The following EPG5 variants were observed in gnomAD, a reference collection of about 807,000 sequenced individuals.
EPG5 encodes ectopic P granules protein 5 homolog.
In EPG5, 159 loss-of-function variants were observed where a neutral mutation model predicts 302.7. The ratio of observed to expected loss-of-function variants is 0.53; its 90% CI spans 0.46 to 0.60. EPG5 has a LOEUF of 0.60. Among genes scored for constraint, EPG5 ranks in the 20% least tolerant of loss-of-function variants. The pLI, the probability that EPG5 is intolerant of heterozygous loss-of-function variation, is 0.00. For missense variants in EPG5, 2,896 were observed against 3,092.4 expected (o/e 0.94, Z 1.51); for synonymous variants, 1,158 against 1,136.8 (o/e 1.02, Z -0.37).
intron 39 of EPG5, 87 bp downstream of exon 39, chr18:45,865,528 C>T (rs1279124054): frequency 2.8e-6 from 4 of 1,421,526 alleles, no homozygotes; most frequent in African/African-American, 1.4e-5. Context: ...TGCCAGTGTC[C>T]TGAACATCCT....
chr18:45,887,900 C>A lies in EPG5; in HGVS notation c.4960G>T (p.Val1654Leu). 6.4e-7 allele frequency: 1 copy of A among 1,562,082 alleles called. No individual in the cohort carries two copies. The highest frequency in any genetic ancestry group is 8.8e-7 in the Non-Finnish European group (1 of 1,142,802). The part of the protein sequence containing the change: ...VHAENLITAL[V>L]NAYKLQPTPG... ...GTAGGCTGCAACTTGTAGGCATTCACTAAGGCCCTGTGGGAAAATGTGGGT... is the reference window on the plus strand; with the variant it reads ...GTAGGCTGCAACTTGTAGGCATTCAATAAGGCCCTGTGGGAAAATGTGGGT... Residue 1654 changes from valine (V) to leucine (L), a missense_variant, in exon 29 of 44, where the codon GTG becomes TTG. Val to Leu is a conservative substitution (Grantham distance 32). Coordinates refer to ENST00000282041, the MANE Select transcript of EPG5 (RefSeq NM_020964.3).
At chr18:45,951,808 C>G (rs2050915217) in intron 3 of EPG5, among the ~76,000 whole-genome samples, 1 of 152,054 alleles carries the variant, frequency 6.6e-6, no homozygotes. Flanking sequence ...GACCTACCCC[C>G]AGTTAATTGA....
chr18:45,850,965 C>T lies in EPG5; in HGVS notation c.*1502G>A, dbSNP rs888535017. The T allele has an allele frequency of 6.6e-6, 1 of 152,378 alleles. No homozygotes were observed. The highest frequency in any genetic ancestry group is 1.5e-5 in the Non-Finnish European group (1 of 68,022). 9.4% of individuals were successfully genotyped at this position (152,378 alleles called of 1,614,324 possible). ...TCCCTCTGAGACGGACATTTTGTGG[C>T]CTGTAAAACTCAAGAGACTAAACAG... On this transcript the variant is annotated 3_prime_UTR_variant, in exon 44 of 44. Coordinates refer to ENST00000282041, the MANE Select transcript of EPG5 (RefSeq NM_020964.3).
chr18:45,867,800 CTGG>C, intron 36 of EPG5, 52 bp from the exon 37 acceptor site: 1 of 1,454,070 alleles, frequency 6.9e-7, no homozygotes, highest in South Asian at 1.3e-5. Flanking sequence ...ATCTATGTAT[CTGG>C]AAAATGTATG....
chr18:45,911,963 T>A (rs969935749), intron 22 of EPG5, among the ~76,000 whole-genome samples: 4 of 152,106 alleles, frequency 2.6e-5, no homozygotes, highest in Non-Finnish European at 4.4e-5. Context: ...ACAAGCCCCA[T>A]GACGGTCACA....
the EPG5 span, among the ~76,000 whole-genome samples, chr18:45,812,917 G>A: frequency 3.3e-5 from 5 of 152,266 alleles, no homozygotes. Context: ...AAATTGACAA[G>A]TGGGATCTGA....
chr18:45,816,364 C>T, the EPG5 span, among the ~76,000 whole-genome samples: 1 of 151,990 alleles, frequency 6.6e-6, no homozygotes, highest in South Asian at 2.1e-4. Context: ...GAGAGAAAAT[C>T]TTCACAATCT....
rs1157830670 is a variant in EPG5 at position 45,877,257 on chromosome 18, T to A, written c.5943-915A>T. Reference sequence around the variant, plus strand: ...ACTAAAAATACAAAAAAAATAAAAATTAAAATTGAAAAATAGCTGGACGTG... The same window carrying A: ...ACTAAAAATACAAAAAAAATAAAAAATAAAATTGAAAAATAGCTGGACGTG... On this transcript the variant is annotated intron_variant, in intron 34 of 43. Transcript: ENST00000282041. 2.0e-5 allele frequency among the ~76,000 whole-genome samples: 3 copies of A among 151,408 alleles called. No homozygotes were observed. In the East Asian group the frequency reaches 5.9e-4, roughly 30 times the overall value.
intron 9 of EPG5, among the ~76,000 whole-genome samples, chr18:45,942,109 C>T (rs139162737): frequency 2.8e-3 from 427 of 152,192 alleles, no homozygotes; most frequent in African/African-American, 9.7e-3. Flanking sequence ...CCAATAGTCC[C>T]AGCTATTCGG....
At chr18:45,828,262 G>A in the EPG5 span, among the ~76,000 whole-genome samples, 2 of 152,152 alleles carry the variant, frequency 1.3e-5, no homozygotes, top group African/African-American at 4.8e-5. Context: ...GAGAAAAGTG[G>A]GAAGCATTTG....
At chr18:45,898,893 G>A (rs976058022) in intron 27 of EPG5, among the ~76,000 whole-genome samples, 4 of 152,206 alleles carry the variant, frequency 2.6e-5, no homozygotes, top group African/African-American at 7.2e-5. Context: ...TTGGGAGGCC[G>A]AGGCGGGTGG....
chr18:45,842,236 G>C, the EPG5 span: 1 of 1,599,620 alleles, frequency 6.3e-7, no homozygotes, highest in Non-Finnish European at 8.6e-7. Flanking sequence ...AAGAACAAAG[G>C]CCAGTGCGAG....
chr18:45,908,651 T>A (rs888927569), intron 23 of EPG5, among the ~76,000 whole-genome samples: 1 of 152,050 alleles, frequency 6.6e-6, no homozygotes, highest in Non-Finnish European at 1.5e-5. Flanking sequence ...AAATCAGACT[T>A]AAAAAAATAA....
At chr18:45,842,257 C>T in the EPG5 span, 1 of 1,544,868 alleles carries the variant, frequency 6.5e-7, no homozygotes. Context: ...GCTTGGCTGG[C>T]ACAGCCAGTC....
intron 30 of EPG5, among the ~76,000 whole-genome samples, 176 bp from the exon 31 acceptor site, chr18:45,882,663 AAAAT>A (rs1274066425): frequency 2.0e-5 from 3 of 152,132 alleles, no homozygotes; most frequent in Non-Finnish European, 4.4e-5. Flanking sequence ...AGCTAATTGT[AAAAT>A]AAATAAATAA....
At chr18:45,884,363 C>T (rs1212829515) in intron 30 of EPG5, among the ~76,000 whole-genome samples, 1 of 152,164 alleles carries the variant, frequency 6.6e-6, no homozygotes, top group African/African-American at 2.4e-5. Flanking sequence ...CATGGAAAAA[C>T]TGTATTCCAT....
rs746257883 is a variant in EPG5 at position 45,944,048 on chromosome 18, G to A, written c.1749C>T (p.Pro583=). ...DDLVTILAQF[P]FHELFQHLLG... ...GAAGATGCTGAAAGAGTTCATGAAA[G>A]GGGAACTGTGCTAAAATGGTAACCA... Residue 583 remains proline, a synonymous_variant, in exon 8 of 44, where the codon CCC becomes CCT. Transcript: ENST00000282041. 6.2e-6 allele frequency: 10 copies of A among 1,613,812 alleles called. No individual in the cohort carries two copies. Among genetic ancestry groups the A allele is most frequent in the Non-Finnish European group, 8.5e-6 (10 of 1,179,838 alleles).
the EPG5 span, among the ~76,000 whole-genome samples, chr18:45,803,751 G>T: frequency 6.6e-6 from 1 of 151,964 alleles, no homozygotes; most frequent in East Asian, 1.9e-4. Flanking sequence ...CAGATATGAG[G>T]GGCCACTCAG....
intron 4 of EPG5, among the ~76,000 whole-genome samples, chr18:45,950,331 T>C (rs2050878389): frequency 6.6e-6 from 1 of 152,194 alleles, no homozygotes; most frequent in South Asian, 2.1e-4. Context: ...ATTCTTCTTC[T>C]CCATTGTGGG....
Sources: gnomAD v4.1 joint callset for allele counts (sites outside exome capture counted in the v4.1 genomes callset) on GRCh38, gnomAD v4.1.1 for gene constraint, MANE v1.5 for transcripts, NCBI Gene and HGNC (gene_info 2026-07-23, HGNC 2026-07-21) for gene names.